HCN1: variants seen among roughly 807,000 people sequenced by gnomAD.
HCN1 encodes the protein hyperpolarization activated cyclic nucleotide gated potassium channel 1.
In HCN1, 13 loss-of-function variants were observed where a neutral mutation model predicts 78.9. The ratio of observed to expected loss-of-function variants is 0.16; its 90% CI spans 0.11 to 0.26. The LOEUF (loss-of-function observed/expected upper bound fraction) is 0.26. Among genes scored for constraint, HCN1 ranks in the 10% least tolerant of loss-of-function variants. HCN1 has a pLI of 1.00. For synonymous variants in HCN1, 552 were observed against 455.5 expected (o/e 1.21, Z -2.70); for missense variants, 810 against 1,154.3 (o/e 0.70, Z 4.32).
rs1162953662 is a variant in HCN1, at chr5:45,363,135, TATATATATACATATATATA to T, written c.1231-9908_1231-9890del. On this transcript the variant is annotated intron_variant, in intron 4 of 7. Transcript: ENST00000303230. The stretch of plus-strand genomic sequence containing the variant: ...TACATATTATATATATAACATATTA[TATATATATACATATATATA>T]TATATATATATATATCTGAATAGTA... Among the ~76,000 whole-genome samples the T allele has an allele frequency of 9.4e-3, 1,034 of 110,428 alleles. 18 individuals carry two copies. Among genetic ancestry groups the T allele is most frequent in the African/African-American group, 0.039 (983 of 24,898 alleles). 72.4% of individuals were successfully genotyped at this position (110,428 alleles called of 152,430 possible).
chr5:45,441,400 AGAAG>A (rs995124865), intron 3 of HCN1, among the ~76,000 whole-genome samples: 2 of 140,810 alleles, frequency 1.4e-5, no homozygotes, highest in South Asian at 2.7e-4. Flanking sequence ...AAGGAAGGAA[AGAAG>A]GAAGGAAGGG....
intron 5 of HCN1, among the ~76,000 whole-genome samples, chr5:45,316,768 T>C (rs998421749): frequency 2.0e-5 from 3 of 152,020 alleles, no homozygotes; most frequent in East Asian, 1.9e-4. Flanking sequence ...TATACACCAA[T>C]AACAGACAAA....
chr5:45,502,942 T>A (rs1463216598), intron 2 of HCN1, among the ~76,000 whole-genome samples: 2 of 152,202 alleles, frequency 1.3e-5, no homozygotes, highest in South Asian at 4.1e-4. Context: ...TGTTTATATC[T>A]ATTAAAAATT....
intron 1 of HCN1, among the ~76,000 whole-genome samples, chr5:45,690,395 T>C (rs973779691): frequency 3.3e-5 from 5 of 152,062 alleles, no homozygotes; most frequent in South Asian, 4.1e-4. Context: ...GGGTGAAATG[T>C]GTCAGATAAA....
intron 2 of HCN1, chr5:45,480,141 C>A (rs977723240): frequency 6.6e-6 from 1 of 152,576 alleles, no homozygotes; most frequent in Non-Finnish European, 1.5e-5. Flanking sequence ...ATGGTTTATA[C>A]ATTTCCACAT....
chr5:45,333,932 C>A (rs1746398894), intron 5 of HCN1, among the ~76,000 whole-genome samples: 1 of 151,732 alleles, frequency 6.6e-6, no homozygotes, highest in Non-Finnish European at 1.5e-5. Context: ...AAGATGGTAT[C>A]TAATCTTAAT....
chr5:45,285,078 T>C (rs750995819), intron 6 of HCN1, among the ~76,000 whole-genome samples: 2 of 152,064 alleles, frequency 1.3e-5, no homozygotes, highest in Non-Finnish European at 2.9e-5. Context: ...TTCCAGATCA[T>C]CAGAAATGAG....
chr5:45,613,661 A>G (rs1276344077), intron 2 of HCN1, among the ~76,000 whole-genome samples: 1 of 152,086 alleles, frequency 6.6e-6, no homozygotes, highest in Non-Finnish European at 1.5e-5. Flanking sequence ...AGACACATGC[A>G]CACGTATGTT....
intron 2 of HCN1, among the ~76,000 whole-genome samples, chr5:45,535,897 G>GA (rs962591731): frequency 6.6e-6 from 1 of 151,980 alleles, no homozygotes; most frequent in African/African-American, 2.4e-5. Flanking sequence ...GTCTCTTAAT[G>GA]AAAAAATCTC....
chr5:45,449,316 C>G (rs552724972), intron 3 of HCN1, among the ~76,000 whole-genome samples: 1 of 152,288 alleles, frequency 6.6e-6, no homozygotes, highest in Admixed American at 6.5e-5. Context: ...ATGCTAACCA[C>G]TTCACAATAC....
intron 5 of HCN1, among the ~76,000 whole-genome samples, chr5:45,308,054 G>A (rs1745772238): frequency 6.6e-6 from 1 of 152,108 alleles, no homozygotes; most frequent in African/African-American, 2.4e-5. Flanking sequence ...CCACATGAAT[G>A]ATTTGGTGCT....
intron 2 of HCN1, among the ~76,000 whole-genome samples, chr5:45,517,057 A>T (rs1742528280): frequency 6.6e-6 from 1 of 152,042 alleles, no homozygotes; most frequent in African/African-American, 2.4e-5. Flanking sequence ...GTGTTAGGAA[A>T]AAAATTGTAA....
intron 2 of HCN1, among the ~76,000 whole-genome samples, chr5:45,511,838 C>T (rs987707196): frequency 2.6e-5 from 4 of 151,864 alleles, no homozygotes; most frequent in Non-Finnish European, 4.4e-5. Flanking sequence ...AGTATTGGTT[C>T]GTTAGTTCGT....
intron 5 of HCN1, among the ~76,000 whole-genome samples, chr5:45,318,137 T>A (rs1746038815): frequency 6.6e-6 from 1 of 152,098 alleles, no homozygotes; most frequent in African/African-American, 2.4e-5. Context: ...GTGTCACTAT[T>A]CACAATAGCA....
At chr5:45,337,749 T>C (rs1310743523) in intron 5 of HCN1, among the ~76,000 whole-genome samples, 1 of 152,064 alleles carries the variant, frequency 6.6e-6, no homozygotes, top group East Asian at 1.9e-4. Context: ...CTGATGTGAT[T>C]GATGGAGAAT....
intron 2 of HCN1, among the ~76,000 whole-genome samples, chr5:45,640,789 G>A (rs1391161697): frequency 6.6e-6 from 1 of 150,870 alleles, no homozygotes; most frequent in African/African-American, 2.4e-5. Context: ...TGGCCAGGCT[G>A]GTCTCGAACT....
At chr5:45,580,507 T>C (rs114394624) in intron 2 of HCN1, among the ~76,000 whole-genome samples, 1 of 152,180 alleles carries the variant, frequency 6.6e-6, no homozygotes, top group Non-Finnish European at 1.5e-5. Flanking sequence ...ACTTCTGATC[T>C]ACAGAGCTAT....
At chr5:45,457,577 A>AGTAG (rs1741052322) in intron 3 of HCN1, among the ~76,000 whole-genome samples, 1 of 152,158 alleles carries the variant, frequency 6.6e-6, no homozygotes, top group Non-Finnish European at 1.5e-5. Context: ...AGTCAATTTA[A>AGTAG]GTAGCCTGCA....
intron 3 of HCN1, among the ~76,000 whole-genome samples, chr5:45,437,303 G>T (rs1479365774): frequency 6.6e-6 from 1 of 152,074 alleles, no homozygotes; most frequent in Non-Finnish European, 1.5e-5. Flanking sequence ...TTGTCAATGT[G>T]ATTATAAAAC....
Sources: allele counts gnomAD v4.1 joint callset (sites outside exome capture counted in the v4.1 genomes callset), GRCh38; gene constraint gnomAD v4.1.1; transcripts MANE v1.5; gene names NCBI Gene and HGNC (gene_info 2026-07-23, HGNC 2026-07-21).